Variants in ARMC2 observed in about 807,000 individuals in gnomAD.
The protein encoded by ARMC2 is armadillo repeat-containing protein 2.
A neutral mutation model predicts 90.3 loss-of-function variants in ARMC2; 67 were observed. The observed-to-expected ratio is 0.74, with a 90% CI of 0.61 to 0.91. The LOEUF is 0.91. Ranked by LOEUF, ARMC2 falls within the 40% of genes least tolerant of loss-of-function variation. The pLI, the probability that ARMC2 is intolerant of heterozygous loss-of-function variation, is 0.00. For missense variants in ARMC2, 920 were observed against 1,030.9 expected, an observed-to-expected ratio of 0.89 and a Z score of 1.47; for synonymous variants, 393 against 393.0, an observed-to-expected ratio of 1.00 and a Z score of 0.00.
At chr6:108,959,177 C>T (rs998075080) in intron 13 of ARMC2, among the ~76,000 whole-genome samples, 12 of 152,104 alleles carry the variant, frequency 7.9e-5, no homozygotes, top group African/African-American at 1.9e-4. Flanking sequence ...GCTGCTCTAG[C>T]GGGAGGGGCC....
At chr6:109,001,159 GAC>G in the ARMC2 span, 1 of 791,586 alleles carries the variant, frequency 1.3e-6, no homozygotes, top group Non-Finnish European at 2.0e-6. Flanking sequence ...GAAAAACAGA[GAC>G]TGTGCAACAG....
At chr6:108,881,740 A>G (rs1777603885) in intron 5 of ARMC2, among the ~76,000 whole-genome samples, 1 of 152,148 alleles carries the variant, frequency 6.6e-6, no homozygotes, top group African/African-American at 2.4e-5. Context: ...TTGATACATT[A>G]GAATTTAAGG....
Position 108,953,119 on chromosome 6 carries a change from G to A in ARMC2, c.1683G>A (p.Gly561=), listed in dbSNP as rs747070740. Residue 561 remains glycine, a synonymous_variant, in exon 13 of 18, where the codon GGG becomes GGA. Coordinates refer to ENST00000392644, the MANE Select transcript of ARMC2 (RefSeq NM_032131.6). ...QAREQFSKEK[G]SIQTLLSLFQ... ...GTGAACAATTTTCCAAAGAGAAAGGGAGCATCCAAACTCTGCTGTCATTAT... is the reference window on the plus strand; with the variant it reads ...GTGAACAATTTTCCAAAGAGAAAGGAAGCATCCAAACTCTGCTGTCATTAT... 3 of 1,613,954 alleles carry A rather than the reference G, an allele frequency of 1.9e-6. No individual in the cohort carries two copies. In the Admixed American group the frequency reaches 5.0e-5, roughly 27 times the overall value.
the ARMC2 span, chr6:109,000,662 T>C: frequency 6.3e-7 from 1 of 1,586,908 alleles, no homozygotes; most frequent in Non-Finnish European, 8.6e-7. Flanking sequence ...AGCACTGATG[T>C]CTTGCCGCAG....
intron 11 of ARMC2, among the ~76,000 whole-genome samples, chr6:108,935,834 G>T (rs1180795656): frequency 6.6e-6 from 1 of 151,898 alleles, no homozygotes; most frequent in East Asian, 1.9e-4. Flanking sequence ...TATAAGTTAG[G>T]TGTTCTTACA....
At chr6:108,898,715 C>A (rs1771850763) in intron 6 of ARMC2, among the ~76,000 whole-genome samples, 1 of 152,176 alleles carries the variant, frequency 6.6e-6, no homozygotes, top group Non-Finnish European at 1.5e-5. Context: ...AGTTATATGA[C>A]CCCAGGCAGA....
At chr6:108,944,570 G>C (rs1193868504) in intron 12 of ARMC2, among the ~76,000 whole-genome samples, 1 of 152,106 alleles carries the variant, frequency 6.6e-6, no homozygotes, top group Non-Finnish European at 1.5e-5. Flanking sequence ...GCTGCGAGTT[G>C]CTGATTCATT....
At chr6:108,869,074 A>C in intron 4 of ARMC2, 79 bp downstream of exon 4, 1 of 1,408,304 alleles carries the variant, frequency 7.1e-7, no homozygotes, top group Non-Finnish European at 9.4e-7. Context: ...ATTTTATATG[A>C]TTTTTCCTAA....
the ARMC2 span, among the ~76,000 whole-genome samples, chr6:109,051,618 T>A: frequency 1.3e-5 from 2 of 152,244 alleles, no homozygotes; most frequent in Non-Finnish European, 2.9e-5. Context: ...TTTCTTTTTT[T>A]CTGTAATTGA....
chr6:108,872,217 G>A (rs1457929828), intron 4 of ARMC2, among the ~76,000 whole-genome samples: 3 of 152,212 alleles, frequency 2.0e-5, no homozygotes, highest in Non-Finnish European at 4.4e-5. Context: ...CCTGCTTCAA[G>A]ACAGTGAAAG....
rs1355855946 is a variant in ARMC2 at position 108,904,345 on chromosome 6, TA to T, written c.966del (p.Lys322AsnfsTer2). ...GAAGTATTCTCCTGAAGACCCTGTG[TA>T]AACTAGTTGATGTTGGTTCAGACTC... ...GRSILLKTLCKLVDVGSDSLS... is the reference protein window; with the variant it reads ...GRSILLKTLCXLVDVGSDSLS... On this transcript the variant is annotated frameshift_variant, in exon 8 of 18. Transcript: ENST00000392644. LOFTEE classifies it high-confidence loss of function. 6.2e-7 allele frequency: 1 copy of T among 1,613,362 alleles called. No homozygotes were observed. The highest frequency in any genetic ancestry group is 8.5e-7 in the Non-Finnish European group (1 of 1,179,772).
chr6:109,003,869 C>CA, the ARMC2 span, among the ~76,000 whole-genome samples: 1 of 152,152 alleles, frequency 6.6e-6, no homozygotes, highest in Non-Finnish European at 1.5e-5. Context: ...ACCTATTGGA[C>CA]AAAACTAAGG....
chr6:108,970,442 G>T (rs894026753), intron 17 of ARMC2, among the ~76,000 whole-genome samples: 4 of 151,428 alleles, frequency 2.6e-5, no homozygotes, highest in Non-Finnish European at 5.9e-5. Flanking sequence ...GGAAAGAAGG[G>T]CTTCTGCAAC....
chr6:108,901,665 C>T (rs903041456), intron 7 of ARMC2, among the ~76,000 whole-genome samples: 10 of 152,152 alleles, frequency 6.6e-5, no homozygotes, highest in Non-Finnish European at 1.2e-4. Context: ...GATCCACCTG[C>T]CTCGGCCTTC....
At chr6:108,901,292 T>C (rs1562368737) in intron 7 of ARMC2, among the ~76,000 whole-genome samples, 1 of 151,650 alleles carries the variant, frequency 6.6e-6, no homozygotes, top group Non-Finnish European at 1.5e-5. Flanking sequence ...TTTTTTGTAT[T>C]TTTAGTAGAG....
At chr6:108,899,010 C>T (rs1771874722) in intron 6 of ARMC2, among the ~76,000 whole-genome samples, 3 of 152,156 alleles carry the variant, frequency 2.0e-5, no homozygotes. Flanking sequence ...AAAGGCTTGG[C>T]ACTGAGCTCA....
intron 5 of ARMC2, among the ~76,000 whole-genome samples, chr6:108,893,465 G>A (rs1439088918): frequency 1.3e-5 from 2 of 152,186 alleles, no homozygotes; most frequent in Non-Finnish European, 2.9e-5. Context: ...GCAGGGATCG[G>A]GGAAGGGAGG....
At chr6:109,021,218 A>G in the ARMC2 span, among the ~76,000 whole-genome samples, 1 of 152,084 alleles carries the variant, frequency 6.6e-6, no homozygotes, top group Non-Finnish European at 1.5e-5. Flanking sequence ...ACATGGACTC[A>G]AGTGAACTCC....
At position 108,964,325 on chromosome 6, in the gene ARMC2, G is replaced by A. The variant is rs777109914; in HGVS notation, c.2285+13G>A. On this transcript the variant is annotated intron_variant, in intron 16 of 17. Transcript: ENST00000392644. ...GTGGCATTAAAAAGTAAGTTTCAGG[G>A]CGTAGAGTACTGACTCTCTCAGGAT... 1.1e-5 allele frequency: 18 copies of A among 1,612,542 alleles called. No homozygotes were observed. The highest frequency in any genetic ancestry group is 1.4e-5 in the Non-Finnish European group (17 of 1,179,236).
Sources: allele counts gnomAD v4.1 joint callset (sites outside exome capture counted in the v4.1 genomes callset), GRCh38; gene constraint gnomAD v4.1.1; transcripts MANE v1.5; gene names NCBI Gene and HGNC (gene_info 2026-07-23, HGNC 2026-07-21).